FANK1: variants seen among roughly 807,000 people sequenced by gnomAD.
The protein encoded by FANK1 is fibronectin type 3 and ankyrin repeat domains protein 1.
In FANK1, 44 loss-of-function variants were observed where a neutral mutation model predicts 45.3. The observed-to-expected ratio is 0.97, with a 90% confidence interval of 0.76 to 1.25. The LOEUF (loss-of-function observed/expected upper bound fraction) is 1.25. Among genes scored for constraint, FANK1 ranks in the 50% most tolerant of loss-of-function variants. The pLI is 0.00. For missense variants in FANK1, 391 were observed against 424.4 expected, an observed-to-expected ratio of 0.92 and a Z score of 0.69; for synonymous variants, 149 against 152.5, an observed-to-expected ratio of 0.98 and a Z score of 0.17.
intron 6 of FANK1, among the ~76,000 whole-genome samples, chr10:125,999,876 T>G (rs1952630087): frequency 6.6e-6 from 1 of 152,184 alleles, no homozygotes; most frequent in African/African-American, 2.4e-5. Context: ...CTGATCTACT[T>G]AAGAAGATGT....
At chr10:126,009,191 C>T (rs1471948754) in intron 9 of FANK1, 31 bp from the exon 10 acceptor site, 1 of 1,614,138 alleles carries the variant, frequency 6.2e-7, no homozygotes, top group African/African-American at 1.3e-5. Context: ...CATTTATAAG[C>T]ATGTAAAATT....
intron 1 of FANK1, among the ~76,000 whole-genome samples, chr10:125,923,597 G>A (rs1372504063): frequency 1.3e-5 from 2 of 151,922 alleles, no homozygotes; most frequent in Non-Finnish European, 2.9e-5. Context: ...GTACAATCAT[G>A]GCTCACTGCA....
At chr10:125,897,910 A>G (rs1272011643) in intron 1 of FANK1, among the ~76,000 whole-genome samples, 2 of 146,624 alleles carry the variant, frequency 1.4e-5, no homozygotes, top group East Asian at 4.1e-4. Context: ...TAATCCCAGC[A>G]CTTTGGGAGG....
chr10:125,919,549 G>A (rs1336939056), intron 1 of FANK1, among the ~76,000 whole-genome samples: 1 of 152,002 alleles, frequency 6.6e-6, no homozygotes, highest in African/African-American at 2.4e-5. Context: ...CTTTATGAAT[G>A]AGGGAAAGAC....
At chr10:125,980,426 G>A in intron 2 of FANK1, 88 bp downstream of exon 2, 1 of 1,395,794 alleles carries the variant, frequency 7.2e-7, no homozygotes, top group Non-Finnish European at 9.7e-7. Context: ...GCCACTGCTT[G>A]TTTCAAATTA....
At chr10:125,999,200 T>C (rs1476982332) in intron 6 of FANK1, among the ~76,000 whole-genome samples, 1 of 26,582 alleles carries the variant, frequency 3.8e-5, no homozygotes, top group Non-Finnish European at 1.6e-4. Flanking sequence ...AAAAGTATCT[T>C]TTTTTTTTTT....
intron 1 of FANK1, among the ~76,000 whole-genome samples, chr10:125,912,681 G>A (rs113035229): frequency 3.3e-5 from 5 of 151,788 alleles, no homozygotes; most frequent in African/African-American, 1.2e-4. Flanking sequence ...TCTGTTGTCC[G>A]GGCTGGAGTG....
At chr10:125,930,223 A>C (rs968829305) in intron 1 of FANK1, among the ~76,000 whole-genome samples, 1 of 151,362 alleles carries the variant, frequency 6.6e-6, no homozygotes, top group Non-Finnish European at 1.5e-5. Flanking sequence ...TTGTATATTT[A>C]ATAGAGATGG....
chr10:125,910,965 C>T (rs994986682), intron 1 of FANK1, among the ~76,000 whole-genome samples: 33 of 149,958 alleles, frequency 2.2e-4, no homozygotes, highest in African/African-American at 7.6e-4. Context: ...ACCCGGGAGG[C>T]AGAGTTTGTA....
chr10:125,989,593 G>A (rs1336560093), intron 3 of FANK1: 2 of 668,416 alleles, frequency 3.0e-6, no homozygotes, highest in East Asian at 5.4e-5. Flanking sequence ...TGAGGGGACA[G>A]GATCTGAGTT....
chr10:125,981,157 A>G (rs994279177), intron 2 of FANK1, among the ~76,000 whole-genome samples: 5 of 152,202 alleles, frequency 3.3e-5, no homozygotes, highest in African/African-American at 7.2e-5. Context: ...GCTGGCTGTT[A>G]TATAGCAGGC....
chr10:125,944,464 T>G (rs1948643314), intron 1 of FANK1, among the ~76,000 whole-genome samples: 1 of 152,232 alleles, frequency 6.6e-6, no homozygotes, highest in South Asian at 2.1e-4. Context: ...TGAATAAACC[T>G]TTTTCACTTA....
rs1463316256 is a variant in FANK1, at chr10:125,987,233, C to A, written c.192-1318C>A. 2.0e-5 allele frequency among the ~76,000 whole-genome samples: 3 copies of A among 152,066 alleles called. No homozygotes were observed. In the East Asian group the frequency reaches 5.8e-4, roughly 29 times the overall value. ...AGGACTACATCCCAGCCTGTCCCAG[C>A]ACCTTGCAAATAATGGGCACTAGAT... On this transcript the variant is annotated intron_variant, in intron 2 of 10. Transcript: ENST00000368693.
intron 1 of FANK1, among the ~76,000 whole-genome samples, chr10:125,947,648 C>A (rs901507649): frequency 6.6e-6 from 1 of 151,436 alleles, no homozygotes; most frequent in African/African-American, 2.4e-5. Context: ...GACTTAGACA[C>A]CCACACATTA....
chr10:125,997,365 G>A (rs990035193), intron 5 of FANK1, 55 bp from the exon 6 acceptor site: 2 of 1,450,274 alleles, frequency 1.4e-6, no homozygotes, highest in Non-Finnish European at 1.9e-6. Flanking sequence ...GACTATTGTG[G>A]GTTCTGAGTG....
At chr10:125,899,161 A>G (rs1284945818) in intron 1 of FANK1, among the ~76,000 whole-genome samples, 2 of 152,240 alleles carry the variant, frequency 1.3e-5, no homozygotes, top group African/African-American at 4.8e-5. Flanking sequence ...CCCGGGTTCA[A>G]GTAATTCTCC....
intron 2 of FANK1, among the ~76,000 whole-genome samples, chr10:125,982,928 T>TC (rs1554942668): frequency 6.6e-6 from 1 of 151,960 alleles, no homozygotes; most frequent in South Asian, 2.1e-4. Flanking sequence ...TTTTTTTTTT[T>TC]CTCATCATTC....
intron 1 of FANK1, among the ~76,000 whole-genome samples, chr10:125,962,466 G>A (rs1420980262): frequency 6.6e-6 from 1 of 152,074 alleles, no homozygotes; most frequent in Non-Finnish European, 1.5e-5. Flanking sequence ...TAGACTGCTT[G>A]ATATTGTCCT....
intron 1 of FANK1, among the ~76,000 whole-genome samples, chr10:125,929,404 A>T (rs1947601029): frequency 1.3e-5 from 2 of 152,298 alleles, no homozygotes. Flanking sequence ...GAAGGAGGGC[A>T]GGGTTTATGA....
Sources: gnomAD v4.1 joint callset for allele counts (sites outside exome capture counted in the v4.1 genomes callset) on GRCh38, gnomAD v4.1.1 for gene constraint, MANE v1.5 for transcripts, NCBI Gene and HGNC (gene_info 2026-07-23, HGNC 2026-07-21) for gene names.